PHACTR1: variants seen among roughly 807,000 people sequenced by gnomAD.
PHACTR1 encodes phosphatase and actin regulator 1.
PHACTR1 carries 16 observed loss-of-function variants against 69.2 expected under a neutral mutation model. The observed-to-expected ratio is 0.23, with a 90% CI of 0.16 to 0.35. PHACTR1 has a LOEUF of 0.35. PHACTR1 is among the 10% of genes least tolerant of loss of function. The pLI is 1.00. For synonymous variants in PHACTR1, 312 were observed against 284.5 expected, an observed-to-expected ratio of 1.10 and a Z score of -0.97; for missense variants, 510 against 734.7, an observed-to-expected ratio of 0.69 and a Z score of 3.54.
chr6:13,112,588 G>C (rs1361586162), intron 5 of PHACTR1, among the ~76,000 whole-genome samples: 1 of 152,126 alleles, frequency 6.6e-6, no homozygotes, highest in Non-Finnish European at 1.5e-5. Context: ...GTGTCAGATG[G>C]TATCTCATTG....
At chr6:12,781,895 T>C (rs550875598) in intron 4 of PHACTR1, among the ~76,000 whole-genome samples, 38 of 152,330 alleles carry the variant, frequency 2.5e-4, no homozygotes, top group African/African-American at 8.4e-4. Context: ...GACACAGTGA[T>C]GGAGAAGAAG....
At chr6:13,215,123 T>A (rs548131594) in intron 8 of PHACTR1, among the ~76,000 whole-genome samples, 1 of 152,230 alleles carries the variant, frequency 6.6e-6, no homozygotes, top group East Asian at 1.9e-4. Flanking sequence ...GAAAGGATGG[T>A]ACCTGTGTTT....
In PHACTR1 at chr6:12,974,378, A is replaced by G. The variant is rs60433742; in HGVS notation, c.251-78987A>G. Among the ~76,000 whole-genome samples, 1,314 of 152,160 alleles carry G rather than the reference A, an allele frequency of 8.6e-3. 18 individuals are homozygous for G. Among genetic ancestry groups the G allele is most frequent in the African/African-American group, 0.03 (1,233 of 41,490 alleles). ...GTTCTCTTCTTACACTCAGCATATCACCATGGACTTTTTCTATCCTTCAAT... is the reference window on the plus strand; with the variant it reads ...GTTCTCTTCTTACACTCAGCATATCGCCATGGACTTTTTCTATCCTTCAAT... On this transcript the variant is annotated intron_variant, in intron 4 of 14. Transcript: ENST00000332995.
intron 4 of PHACTR1, among the ~76,000 whole-genome samples, chr6:12,872,101 G>T (rs1782089037): frequency 7.9e-5 from 12 of 151,960 alleles, no homozygotes; most frequent in Admixed American, 7.9e-4. Flanking sequence ...AGATGCTAAG[G>T]GTTCTGATTG....
intron 4 of PHACTR1, among the ~76,000 whole-genome samples, chr6:13,040,667 A>G (rs1438216809): frequency 1.3e-5 from 2 of 152,220 alleles, no homozygotes; most frequent in African/African-American, 2.4e-5. Context: ...GTGAGATTCA[A>G]GTAAAATCAA....
rs181575440 is a variant in PHACTR1 at position 12,854,832 on chromosome 6, A to C, written c.250+105042A>C. Among the ~76,000 whole-genome samples, 65 of 152,320 alleles carry C rather than the reference A, an allele frequency of 4.3e-4. 1 individual carries two copies. The highest frequency in any genetic ancestry group is 4.0e-3 in the Admixed American group (61 of 15,302). On this transcript the variant is annotated intron_variant, in intron 4 of 14. Coordinates refer to ENST00000332995, the MANE Select transcript of PHACTR1 (RefSeq NM_030948.6). ...TCAGAGAGATGCAAGCCAAAACTACAATGGGATAGTATCTCACACCAGTCA... is the reference window on the plus strand; with the variant it reads ...TCAGAGAGATGCAAGCCAAAACTACCATGGGATAGTATCTCACACCAGTCA...
chr6:13,173,512 A>G (rs1316385610), intron 6 of PHACTR1, among the ~76,000 whole-genome samples: 1 of 152,222 alleles, frequency 6.6e-6, no homozygotes, highest in Non-Finnish European at 1.5e-5. Flanking sequence ...AAACATTTCC[A>G]ACTTCTTAGG....
At chr6:12,982,040 A>G (rs930401411) in intron 4 of PHACTR1, among the ~76,000 whole-genome samples, 6 of 152,136 alleles carry the variant, frequency 3.9e-5, no homozygotes, top group African/African-American at 7.2e-5. Context: ...CCAAATCCCA[A>G]TGAGCCTCTT....
chr6:13,078,890 G>A (rs772199326), intron 5 of PHACTR1, among the ~76,000 whole-genome samples: 15 of 152,160 alleles, frequency 9.9e-5, no homozygotes, highest in Non-Finnish European at 1.6e-4. Context: ...TGCAAATAAA[G>A]TCCCACCACA....
At chr6:13,196,740 C>G (rs970507077) in intron 7 of PHACTR1, among the ~76,000 whole-genome samples, 6 of 152,196 alleles carry the variant, frequency 3.9e-5, no homozygotes, top group African/African-American at 1.4e-4. Context: ...TTTTCAATAC[C>G]GATGTAGTGC....
chr6:13,160,545 C>T (rs1758839569), intron 6 of PHACTR1, among the ~76,000 whole-genome samples: 1 of 152,144 alleles, frequency 6.6e-6, no homozygotes, highest in Non-Finnish European at 1.5e-5. Context: ...TGATGTGGCC[C>T]CGGGAATGAT....
At chr6:13,176,934 C>T (rs1041227377) in intron 6 of PHACTR1, among the ~76,000 whole-genome samples, 2 of 152,024 alleles carry the variant, frequency 1.3e-5, no homozygotes, top group Non-Finnish European at 1.5e-5. Context: ...GGTGAGCTTA[C>T]ATTTATTAAT....
intron 10 of PHACTR1, chr6:13,267,153 C>T (rs1414896856): frequency 1.3e-5 from 2 of 152,262 alleles, no homozygotes; most frequent in Non-Finnish European, 2.9e-5. Flanking sequence ...CTCTTCCAGT[C>T]TTCTCTGTTC....
At chr6:12,739,675 C>T (rs920226007) in intron 3 of PHACTR1, among the ~76,000 whole-genome samples, 1 of 152,072 alleles carries the variant, frequency 6.6e-6, no homozygotes, top group African/African-American at 2.4e-5. Flanking sequence ...AGTAACTTGA[C>T]CACAGGCACG....
intron 5 of PHACTR1, among the ~76,000 whole-genome samples, chr6:13,125,590 A>C (rs1418521941): frequency 1.3e-5 from 2 of 152,338 alleles, no homozygotes; most frequent in African/African-American, 4.8e-5. Context: ...AAAGAATTTA[A>C]ATTAAAAATC....
rs1325285174 is a variant in PHACTR1, at chr6:13,246,639, T to C, written c.1391+16446T>C. Among the ~76,000 whole-genome samples the C allele has an allele frequency of 6.6e-6, 1 of 152,192 alleles. No individual in the cohort carries two copies. Among genetic ancestry groups the C allele is most frequent in the African/African-American group, 2.4e-5 (1 of 41,440 alleles). ...TTTCCAGTCTATAATTTCCATTGCA[T>C]ATAGTGCTCTTTCTCCCTCACCCAC... On this transcript the variant is annotated intron_variant, in intron 10 of 14. Transcript: ENST00000332995. The surrounding 1 kb of genome is among the most constrained non-coding windows in gnomAD (Gnocchi z 4.2).
At chr6:12,944,812 T>C (rs1423214134) in intron 4 of PHACTR1, among the ~76,000 whole-genome samples, 6 of 150,418 alleles carry the variant, frequency 4.0e-5, no homozygotes, top group African/African-American at 7.4e-5. Context: ...AGACGGAGTC[T>C]GGCTCTATCG....
chr6:12,914,569 A>G (rs1786761095), intron 4 of PHACTR1, among the ~76,000 whole-genome samples: 1 of 152,106 alleles, frequency 6.6e-6, no homozygotes, highest in Non-Finnish European at 1.5e-5. Flanking sequence ...GGTCCTACAC[A>G]CACCTTAAAT....
intron 10 of PHACTR1, among the ~76,000 whole-genome samples, chr6:13,263,441 AG>A (rs1415494300): frequency 6.6e-6 from 1 of 152,052 alleles, no homozygotes; most frequent in Non-Finnish European, 1.5e-5. Context: ...ACAGGAACCC[AG>A]AGATTTTTTC....
Sources: gnomAD v4.1 joint callset for allele counts (sites outside exome capture counted in the v4.1 genomes callset) on GRCh38, gnomAD v4.1.1 for gene constraint, Gnocchi (gnomAD v3.1) non-coding constraint, MANE v1.5 for transcripts, NCBI Gene and HGNC (gene_info 2026-07-23, HGNC 2026-07-21) for gene names.